Variants in SRRM3 observed in about 807,000 individuals in gnomAD.
SRRM3 encodes the protein serine/arginine repetitive matrix 3.
SRRM3 carries 27 observed loss-of-function variants against 66.2 expected under a neutral mutation model. The observed-to-expected ratio is 0.41, with a 90% CI of 0.30 to 0.56. The LOEUF is 0.56. Among genes scored for constraint, SRRM3 ranks in the 20% least tolerant of loss-of-function variants. The pLI, the probability that SRRM3 is intolerant of heterozygous loss-of-function variation, is 0.32. For synonymous variants in SRRM3, 391 were observed against 414.9 expected, an observed-to-expected ratio of 0.94 and a Z score of 0.70; for missense variants, 918 against 991.9, an observed-to-expected ratio of 0.93 and a Z score of 1.00.
intron 3 of SRRM3, among the ~76,000 whole-genome samples, chr7:76,257,224 C>G (rs1801734646): frequency 6.6e-6 from 1 of 152,000 alleles, no homozygotes; most frequent in Non-Finnish European, 1.5e-5. Flanking sequence ...GTTCTTAATG[C>G]TCTGCCGATC....
At chr7:76,206,757 C>G (rs190071755) in intron 1 of SRRM3, among the ~76,000 whole-genome samples, 51 of 152,282 alleles carry the variant, frequency 3.3e-4, no homozygotes, top group Admixed American at 1.0e-3. Context: ...GAGCCTAAAG[C>G]CTCTGGCCTG....
chr7:76,215,850 T>C (rs1241996408), intron 1 of SRRM3, among the ~76,000 whole-genome samples: 1 of 143,326 alleles, frequency 7.0e-6, no homozygotes, highest in African/African-American at 2.7e-5. Flanking sequence ...CAGGCTGGAG[T>C]GCAGTGGTGC....
chr7:76,258,225 G>C (rs1456099072), intron 3 of SRRM3, among the ~76,000 whole-genome samples: 1 of 152,216 alleles, frequency 6.6e-6, no homozygotes, highest in African/African-American at 2.4e-5. Context: ...AGGCTGCAGA[G>C]GGGAGGGCGA....
intron 6 of SRRM3, among the ~76,000 whole-genome samples, 162 bp downstream of exon 6, chr7:76,261,065 C>T (rs1453715800): frequency 6.6e-6 from 1 of 152,132 alleles, no homozygotes; most frequent in Non-Finnish European, 1.5e-5. Context: ...TGAATCCCAC[C>T]GTTGGAGCCT....
At chr7:76,238,559 G>C (rs1241376876) in intron 2 of SRRM3, among the ~76,000 whole-genome samples, 4 of 152,032 alleles carry the variant, frequency 2.6e-5, no homozygotes, top group Non-Finnish European at 4.4e-5. Context: ...CAATCACCGC[G>C]GGGCGGGACG....
In SRRM3 at chr7:76,261,998, A is replaced by C. The variant is rs528977958; in HGVS notation, c.674+417A>C. ...GGGTCGGGGAGCTGTGGCTAGAGGT[A>C]GAGTTTCTCGGGGACAGGTGCTAGC... On this transcript the variant is annotated intron_variant, in intron 8 of 14. Transcript: ENST00000611745. Among the ~76,000 whole-genome samples the C allele has an allele frequency of 9.9e-5, 15 of 151,782 alleles. 1 individual carries two copies. The South Asian group carries it at 3.1e-3, about 32-fold the overall frequency.
intron 11 of SRRM3, among the ~76,000 whole-genome samples, chr7:76,271,786 T>C (rs1242686429): frequency 3.3e-5 from 5 of 152,220 alleles, no homozygotes; most frequent in African/African-American, 9.6e-5. Flanking sequence ...AGGTGGTTGC[T>C]GGTTGACTCA....
At position 76,281,605 on chromosome 7, in the gene SRRM3, T is replaced by G. The variant is rs1802510129; in HGVS notation, c.1173T>G (p.Arg391=). 6.2e-6 allele frequency: 6 copies of G among 974,722 alleles called. No individual in the cohort carries two copies. The highest frequency in any genetic ancestry group is 4.6e-5 in the South Asian group (1 of 21,898). The allele number at this position is 974,722 out of a possible 1,614,324, so 60.4% of individuals were successfully genotyped here. The part of the protein sequence containing the change: ...GGAGRRRRRR[R]RRRRSRSSAS... ...CGGGCAGGCGGCGGCGGCGGCGGCG[T>G]AGGCGGCGGCGCTCGCGGTCCTCGG... The change falls in exon 12 of 15, where the codon CGT becomes CGG. Residue 391 remains arginine (R), a synonymous_variant. Coordinates refer to ENST00000611745, the MANE Select transcript of SRRM3 (RefSeq NM_001110199.3).
At chr7:76,209,010 G>A (rs1434300595) in intron 1 of SRRM3, among the ~76,000 whole-genome samples, 4 of 151,984 alleles carry the variant, frequency 2.6e-5, no homozygotes, top group Non-Finnish European at 5.9e-5. Flanking sequence ...GAGGCAAGAG[G>A]ATCACTTGAG....
At chr7:76,270,191 T>A (rs1554610356) in intron 11 of SRRM3, among the ~76,000 whole-genome samples, 1 of 152,152 alleles carries the variant, frequency 6.6e-6, no homozygotes, top group East Asian at 1.9e-4. Flanking sequence ...CCCAGGGAGC[T>A]TCTTGGAGCT....
chr7:76,283,947 C>A, intron 14 of SRRM3: 1 of 519,344 alleles, frequency 1.9e-6, no homozygotes, highest in Non-Finnish European at 2.5e-6. Flanking sequence ...CACTGCCTTG[C>A]TGGGCAGCCT....
chr7:76,267,570 T>C, intron 11 of SRRM3, 135 bp downstream of exon 11: 1 of 722,942 alleles, frequency 1.4e-6, no homozygotes, highest in Non-Finnish European at 1.9e-6. Context: ...TCCTCCCTCC[T>C]CGGCTCCCCG....
intron 1 of SRRM3, among the ~76,000 whole-genome samples, chr7:76,212,648 T>C (rs1424656015): frequency 6.6e-6 from 1 of 151,306 alleles, no homozygotes; most frequent in East Asian, 2.0e-4. Context: ...TTTGTGTTTT[T>C]AGTAGAGACA....
chr7:76,208,956 G>A (rs1554601441), intron 1 of SRRM3, among the ~76,000 whole-genome samples: 1 of 150,692 alleles, frequency 6.6e-6, no homozygotes. Flanking sequence ...AACATTAGCC[G>A]AGCATGGTGG....
chr7:76,285,222 C>A lies in SRRM3; in HGVS notation c.1734-393C>A. 1 of 210,786 alleles carries A rather than the reference C, an allele frequency of 4.7e-6. No homozygotes were observed. The allele number at this position is 210,786 out of a possible 1,614,324, so 13.1% of individuals were successfully genotyped here. ...GGGATTACAGGTGCACACCACCATG[C>A]CCGGCAAATGTTTGTATTTTTAGTA... On this transcript the variant is annotated intron_variant, in intron 14 of 14. Coordinates refer to ENST00000611745, the MANE Select transcript of SRRM3 (RefSeq NM_001110199.3). The surrounding 1 kb of genome is among the most constrained non-coding windows in gnomAD (Gnocchi z 4.1).
At chr7:76,251,170 G>T (rs1801572358) in intron 3 of SRRM3, among the ~76,000 whole-genome samples, 2 of 152,212 alleles carry the variant, frequency 1.3e-5, no homozygotes, top group South Asian at 4.1e-4. Flanking sequence ...CCTCTGTGGG[G>T]CTGTGTTCCA....
chr7:76,245,561 C>G (rs1001223488), intron 2 of SRRM3, among the ~76,000 whole-genome samples: 3 of 152,164 alleles, frequency 2.0e-5, no homozygotes, highest in Non-Finnish European at 2.9e-5. Context: ...TCCATCCCCT[C>G]AAGCATTTAT....
Position 76,268,673 on chromosome 7 carries a change from T to C in SRRM3, c.1008+1238T>C, listed in dbSNP as rs559515143. The stretch of plus-strand genomic sequence containing the variant: ...CTCTTGGTCTCAAGGTTAAGTTTTA[T>C]TGAAGGACATTTACCTGTCTCTAGA... On this transcript the variant is annotated intron_variant, in intron 11 of 14. Coordinates refer to ENST00000611745, the MANE Select transcript of SRRM3 (RefSeq NM_001110199.3). The C allele has an allele frequency of 1.2e-4, 19 of 152,370 alleles. No homozygotes were observed. The East Asian group carries it at 2.5e-3, about 20-fold the overall frequency. The allele number at this position is 152,370 out of a possible 1,614,324, so 9.4% of individuals were successfully genotyped here.
rs1413857925 is a variant in SRRM3 at position 76,285,575 on chromosome 7, G to A, written c.1734-40G>A. On this transcript the variant is annotated intron_variant, in intron 14 of 14. Transcript: ENST00000611745. The surrounding 1 kb of genome is among the most constrained non-coding windows in gnomAD (Gnocchi z 4.1). The stretch of plus-strand genomic sequence containing the variant: ...TGGCCGCTGCTGGGATGGGGCTCGG[G>A]GCCTGGGATGGCCTGTAATCAGCTT... 1 of 1,514,066 alleles carries A rather than the reference G, an allele frequency of 6.6e-7. No homozygotes were observed. The highest frequency in any genetic ancestry group is 8.9e-7 in the Non-Finnish European group (1 of 1,119,560). 93.8% of individuals were successfully genotyped at this position (1,514,066 alleles called of 1,614,324 possible). A position where few individuals can be genotyped will look rare whatever the true frequency, so the allele number is the denominator to read the frequency against.
Sources: gnomAD v4.1 joint callset for allele counts (sites outside exome capture counted in the v4.1 genomes callset) on GRCh38, gnomAD v4.1.1 for gene constraint, Gnocchi (gnomAD v3.1) non-coding constraint, MANE v1.5 for transcripts, NCBI Gene and HGNC (gene_info 2026-07-23, HGNC 2026-07-21) for gene names.